Variants in TPTE2 observed in about 807,000 individuals in gnomAD.
TPTE2 encodes the protein transmembrane phosphoinositide 3-phosphatase and tensin homolog 2.
Under a neutral mutation model 78.6 loss-of-function variants are expected in TPTE2, and 53 were observed. That is an observed-to-expected ratio of 0.67 (90% CI 0.54 to 0.85). The LOEUF (loss-of-function observed/expected upper bound fraction) is 0.85. Among genes scored for constraint, TPTE2 ranks in the 40% least tolerant of loss-of-function variants. The pLI is 0.00. For missense variants in TPTE2, 461 were observed against 623.0 expected (o/e 0.74, Z 2.77); for synonymous variants, 175 against 206.2 (o/e 0.85, Z 1.30).
intron 3 of TPTE2, among the ~76,000 whole-genome samples, chr13:19,485,602 C>T (rs1025181090): frequency 1.3e-5 from 2 of 152,124 alleles, no homozygotes; most frequent in Admixed American, 6.5e-5. Context: ...TTTATGCTCT[C>T]ATTTTATTAA....
chr13:19,451,082 C>G (rs2137531053), intron 11 of TPTE2, 83 bp downstream of exon 14: 1 of 1,517,862 alleles, frequency 6.6e-7, no homozygotes, highest in Middle Eastern at 1.8e-4. Flanking sequence ...TGATTAAATG[C>G]AATCTAAAAA....
At chr13:19,474,586 C>A (rs1280457132) in intron 5 of TPTE2, among the ~76,000 whole-genome samples, 2 of 152,176 alleles carry the variant, frequency 1.3e-5, no homozygotes, top group Non-Finnish European at 2.9e-5. Flanking sequence ...TTCAACAAGT[C>A]CATGATTCCA....
chr13:19,541,215 G>C (rs1871428880), upstream of TPTE2, among the ~76,000 whole-genome samples: 1 of 152,146 alleles, frequency 6.6e-6, no homozygotes, highest in Admixed American at 6.6e-5. Context: ...CAACATGATA[G>C]CACACTCTAG....
At chr13:19,516,225 C>A (rs1486977324) in intron 1 of TPTE2, among the ~76,000 whole-genome samples, 1 of 152,210 alleles carries the variant, frequency 6.6e-6, no homozygotes, top group Non-Finnish European at 1.5e-5. Context: ...ACGTCTCCGA[C>A]CAAATCTGCC....
In TPTE2 at chr13:19,450,104, G is replaced by A. The variant is rs746435666; in HGVS notation, c.945C>T (p.Ile315=). 1.2e-5 allele frequency: 19 copies of A among 1,611,250 alleles called. No homozygotes were observed. The African/African-American group carries it at 1.2e-4, about 10-fold the overall frequency. Residue 315 remains isoleucine (I), a synonymous_variant, in exon 13 of 20, where the codon ATC becomes ATT. Transcript: ENST00000400230. ...TGCCTCCTTTACAGTGAATCGCTACGATGTTTTCAAGATCTTGAGCCATCC... is the reference window on the plus strand; with the variant it reads ...TGCCTCCTTTACAGTGAATCGCTACAATGTTTTCAAGATCTTGAGCCATCC...
At chr13:19,513,760 T>G (rs1020028550) in intron 1 of TPTE2, among the ~76,000 whole-genome samples, 2 of 152,224 alleles carry the variant, frequency 1.3e-5, no homozygotes, top group African/African-American at 4.8e-5. Context: ...AGGATTTAAA[T>G]ACAATTCTTT....
At chr13:19,490,226 C>T (rs538617794) in intron 3 of TPTE2, among the ~76,000 whole-genome samples, 94 of 152,122 alleles carry the variant, frequency 6.2e-4, no homozygotes, top group African/African-American at 2.1e-3. Context: ...GAAATCTCAC[C>T]CATCATTGAT....
Position 19,467,220 on chromosome 13 carries a change from C to T in TPTE2, c.512+5G>A, listed in dbSNP as rs556438446. On this transcript the variant is annotated splice_donor_5th_base_variant and intron_variant, in intron 7 of 19. Coordinates refer to ENST00000400230, the Ensembl canonical transcript of TPTE2. ...TTTAAGAGAGGTAAGTCTTATGTTTCATACCTGGGAATATTCCTAAGCAAC... is the reference window on the plus strand; with the variant it reads ...TTTAAGAGAGGTAAGTCTTATGTTTTATACCTGGGAATATTCCTAAGCAAC... 2 of 1,578,524 alleles carry T rather than the reference C, an allele frequency of 1.3e-6. No homozygotes were observed. Among genetic ancestry groups the T allele is most frequent in the East Asian group, 2.3e-5 (1 of 44,168 alleles).
chr13:19,522,727 A>G (rs1197440791), intron 1 of TPTE2, among the ~76,000 whole-genome samples: 1 of 145,858 alleles, frequency 6.9e-6, no homozygotes, highest in Non-Finnish European at 1.5e-5. Context: ...GGTTCACGCC[A>G]TTCTCCTGCC....
intron 15 of TPTE2, among the ~76,000 whole-genome samples, chr13:19,435,755 G>GACACACACACACACACAC (rs60130804): frequency 7.3e-6 from 1 of 137,734 alleles, no homozygotes. Flanking sequence ...ACACAGAAAA[G>GACACACACACACACACAC]ACACACACAC....
chr13:19,555,005 T>C, the TPTE2 span, among the ~76,000 whole-genome samples: 2 of 152,228 alleles, frequency 1.3e-5, no homozygotes, highest in South Asian at 4.1e-4. Context: ...ATCATTAGGA[T>C]CATCACTATA....
chr13:19,520,873 T>C (rs2137719135), intron 1 of TPTE2, among the ~76,000 whole-genome samples: 1 of 152,202 alleles, frequency 6.6e-6, no homozygotes, highest in South Asian at 2.1e-4. Context: ...TAAGAGTACA[T>C]TGTTTCATTT....
chr13:19,561,037 C>T, the TPTE2 span: 15 of 1,575,456 alleles, frequency 9.5e-6, no homozygotes, highest in Non-Finnish European at 1.3e-5. Flanking sequence ...GGCGCTTGGA[C>T]AGGGAGCTGA....
chr13:19,556,702 A>G, the TPTE2 span, among the ~76,000 whole-genome samples: 2 of 151,846 alleles, frequency 1.3e-5, no homozygotes, highest in South Asian at 4.2e-4. Context: ...ATTTTTTTCT[A>G]TTTTTTAGAG....
intron 1 of TPTE2, among the ~76,000 whole-genome samples, chr13:19,530,862 G>A (rs1249304256): frequency 2.6e-5 from 4 of 152,110 alleles, no homozygotes; most frequent in Non-Finnish European, 5.9e-5. Flanking sequence ...CACAAAAAAT[G>A]TACCATCTTA....
intron 7 of TPTE2, among the ~76,000 whole-genome samples, 175 bp downstream of exon 10, chr13:19,467,050 T>C (rs1256554850): frequency 2.6e-5 from 4 of 152,158 alleles, no homozygotes; most frequent in African/African-American, 9.7e-5. Context: ...TCCCTAAATA[T>C]CACAATCTTT....
chr13:19,459,086 T>A (rs2137549136), intron 10 of TPTE2, among the ~76,000 whole-genome samples: 1 of 152,258 alleles, frequency 6.6e-6, no homozygotes, highest in Non-Finnish European at 1.5e-5. Context: ...GCATCTGTTA[T>A]TTTTTGGCTT....
chr13:19,533,507 T>C (rs1389220717), intron 1 of TPTE2, among the ~76,000 whole-genome samples: 1 of 152,220 alleles, frequency 6.6e-6, no homozygotes, highest in African/African-American at 2.4e-5. Flanking sequence ...AAGCTGCCAT[T>C]CCCAAATTGA....
chr13:19,451,861 T>C (rs932002703), intron 10 of TPTE2, among the ~76,000 whole-genome samples: 2 of 150,022 alleles, frequency 1.3e-5, no homozygotes, highest in African/African-American at 4.9e-5. Flanking sequence ...GTATAACCTT[T>C]AAAATGAAAA....
Sources: gnomAD v4.1 joint callset for allele counts (sites outside exome capture counted in the v4.1 genomes callset) on GRCh38, gnomAD v4.1.1 for gene constraint, MANE v1.5 for transcripts, NCBI Gene and HGNC (gene_info 2026-07-23, HGNC 2026-07-21) for gene names.